The following COL8A1 variants were observed in gnomAD, a reference collection of about 807,000 sequenced individuals.
The protein encoded by COL8A1 is collagen type VIII alpha 1 chain.
COL8A1 carries 21 observed loss-of-function variants against 42.7 expected under a neutral mutation model. The observed-to-expected ratio is 0.49, with a 90% CI of 0.35 to 0.71. COL8A1 has a LOEUF of 0.71. Ranked by LOEUF, COL8A1 falls within the 30% of genes least tolerant of loss-of-function variation. The pLI is 0.01. For missense variants in COL8A1, 788 were observed against 962.4 expected (o/e 0.82, Z 2.40); for synonymous variants, 367 against 369.1 (o/e 0.99, Z 0.06).
chr3:99,639,013 G>C (rs1439366698), intron 1 of COL8A1, among the ~76,000 whole-genome samples: 1 of 152,108 alleles, frequency 6.6e-6, no homozygotes, highest in Non-Finnish European at 1.5e-5. Context: ...CAAGGAAAAC[G>C]TTGTCCCATT....
At chr3:99,735,328 A>T (rs1275864349) in intron 1 of COL8A1, among the ~76,000 whole-genome samples, 1 of 61,380 alleles carries the variant, frequency 1.6e-5, no homozygotes, top group Non-Finnish European at 3.1e-5. Flanking sequence ...ACGTCCCATC[A>T]ATACCTAATT....
At chr3:99,783,523 G>C (rs1941834751) in intron 2 of COL8A1, among the ~76,000 whole-genome samples, 1 of 152,206 alleles carries the variant, frequency 6.6e-6, no homozygotes, top group Non-Finnish European at 1.5e-5. Context: ...TGATTGACCA[G>C]AATCTGACAG....
intron 1 of COL8A1, among the ~76,000 whole-genome samples, chr3:99,651,716 T>C (rs1937854569): frequency 6.6e-6 from 1 of 152,178 alleles, no homozygotes; most frequent in Non-Finnish European, 1.5e-5. Context: ...CTAACAGCAA[T>C]AGTTTACAGA....
chr3:99,694,732 C>T (rs1202059962), intron 1 of COL8A1, among the ~76,000 whole-genome samples: 2 of 152,158 alleles, frequency 1.3e-5, no homozygotes, highest in Non-Finnish European at 2.9e-5. Context: ...TTCTTAACCT[C>T]TTCATCTTAT....
intron 1 of COL8A1, among the ~76,000 whole-genome samples, chr3:99,737,463 T>G (rs1456059742): frequency 6.6e-6 from 1 of 152,132 alleles, no homozygotes; most frequent in Non-Finnish European, 1.5e-5. Context: ...CTGTAAAGTA[T>G]TTTATTTCTC....
Position 99,673,446 on chromosome 3 carries a change from A to G in COL8A1, c.-129+34782A>G, listed in dbSNP as rs530018866. On this transcript the variant is annotated intron_variant, in intron 1 of 3. Transcript: ENST00000652472. The stretch of plus-strand genomic sequence containing the variant: ...TTTCAAAATCCATTATGGGACTATC[A>G]CCCATGAGTTTGTCTAAATCATTCT... 1.3e-4 allele frequency among the ~76,000 whole-genome samples: 20 copies of G among 152,168 alleles called. No homozygotes were observed. In the South Asian group the frequency reaches 3.9e-3, roughly 30 times the overall value.
chr3:99,665,587 T>C (rs533996867), intron 1 of COL8A1, among the ~76,000 whole-genome samples: 149 of 152,096 alleles, frequency 9.8e-4, no homozygotes, highest in Non-Finnish European at 2.0e-3. Flanking sequence ...AAATATTGCC[T>C]TTTATATTCA....
chr3:99,664,025 A>G (rs1938289747), intron 1 of COL8A1, among the ~76,000 whole-genome samples: 2 of 152,220 alleles, frequency 1.3e-5, no homozygotes, highest in African/African-American at 2.4e-5. Flanking sequence ...AACCCTAGTT[A>G]CCAAATACTC....
At chr3:99,720,921 T>C (rs1455339069) in intron 1 of COL8A1, among the ~76,000 whole-genome samples, 7 of 152,144 alleles carry the variant, frequency 4.6e-5, no homozygotes, top group Non-Finnish European at 8.8e-5. Flanking sequence ...AAGACCTTCA[T>C]AGTGATCCCC....
rs748724415 is a variant in COL8A1 at position 99,758,346 on chromosome 3, C to T, written c.-4+13325C>T. Among the ~76,000 whole-genome samples the T allele has an allele frequency of 3.9e-5, 6 of 152,208 alleles. No individual in the cohort carries two copies. In the Middle Eastern group the frequency reaches 0.01, roughly 259 times the overall value. On this transcript the variant is annotated intron_variant, in intron 2 of 3. Coordinates refer to ENST00000652472, the MANE Select transcript of COL8A1 (RefSeq NM_020351.4). The stretch of plus-strand genomic sequence containing the variant: ...CCAAAAGCAGGTTAATCCAACTTCC[C>T]CCAGCCAGCTCAAGATCAATGAAAA...
chr3:99,688,829 T>C (rs1003454690), intron 1 of COL8A1, among the ~76,000 whole-genome samples: 3 of 152,176 alleles, frequency 2.0e-5, no homozygotes, highest in African/African-American at 7.2e-5. Context: ...TTTCTCACCC[T>C]CAGCACTATT....
intron 1 of COL8A1, among the ~76,000 whole-genome samples, chr3:99,684,829 C>T (rs1264630965): frequency 6.6e-6 from 1 of 152,134 alleles, no homozygotes; most frequent in Non-Finnish European, 1.5e-5. Flanking sequence ...TCAAGTGGAT[C>T]TCAAGGTCTC....
At chr3:99,648,518 T>G (rs950486714) in intron 1 of COL8A1, among the ~76,000 whole-genome samples, 2 of 151,990 alleles carry the variant, frequency 1.3e-5, no homozygotes. Flanking sequence ...AAGTAAGGAC[T>G]GTGTAATTAG....
At chr3:99,788,956 C>G (rs1941946864) in intron 2 of COL8A1, among the ~76,000 whole-genome samples, 1 of 152,068 alleles carries the variant, frequency 6.6e-6, no homozygotes, top group Non-Finnish European at 1.5e-5. Flanking sequence ...TCTGTCACCC[C>G]CACTAAGAGT....
At chr3:99,765,385 C>T (rs571259696) in intron 2 of COL8A1, among the ~76,000 whole-genome samples, 3 of 152,276 alleles carry the variant, frequency 2.0e-5, no homozygotes, top group Middle Eastern at 3.4e-3. Flanking sequence ...TCTAGTAGAA[C>T]AGGGAATACA....
At chr3:99,676,861 T>A (rs1214665332) in intron 1 of COL8A1, among the ~76,000 whole-genome samples, 1 of 152,030 alleles carries the variant, frequency 6.6e-6, no homozygotes, top group South Asian at 2.1e-4. Flanking sequence ...CTTCTCTATA[T>A]AAGGAATAAA....
chr3:99,690,441 T>C (rs1939183443), intron 1 of COL8A1, among the ~76,000 whole-genome samples: 1 of 152,142 alleles, frequency 6.6e-6, no homozygotes, highest in African/African-American at 2.4e-5. Context: ...CAGATGAAGG[T>C]GGGAACAAAT....
intron 1 of COL8A1, among the ~76,000 whole-genome samples, chr3:99,702,871 T>G (rs1939580853): frequency 6.6e-6 from 1 of 152,148 alleles, no homozygotes; most frequent in African/African-American, 2.4e-5. Flanking sequence ...GTTGCTTTTT[T>G]ATAGACATGG....
Position 99,795,600 on chromosome 3 carries a change from C to G in COL8A1, c.1699C>G (p.Pro567Ala). ...TCCAGGACCCCCAGGCCCTCCAGGACCTCCAGGACCCCCAGCTGTGATGCC... is the reference window on the plus strand; with the variant it reads ...TCCAGGACCCCCAGGCCCTCCAGGAGCTCCAGGACCCCCAGCTGTGATGCC... Reference protein sequence around the residue: ...GLPGPPGPPGPPGPPAVMPPT... With the variant: ...GLPGPPGPPGAPGPPAVMPPT... Residue 567 changes from proline to alanine, a missense_variant, in exon 4 of 4, where the codon CCT becomes GCT. By Grantham distance (27) the Pro-to-Ala change is conservative. Around this residue, in one of 4 missense-constraint regions of COL8A1, gnomAD observed 154 missense variants for 182.3 expected, o/e 0.84. Transcript: ENST00000652472. 1 of 1,612,442 alleles carries G rather than the reference C, an allele frequency of 6.2e-7. No individual in the cohort carries two copies. Among genetic ancestry groups the G allele is most frequent in the South Asian group, 1.1e-5 (1 of 90,936 alleles).
Sources: allele counts gnomAD v4.1 joint callset (sites outside exome capture counted in the v4.1 genomes callset), GRCh38; gene constraint gnomAD v4.1.1; regional missense constraint gnomAD v4.1.1; transcripts MANE v1.5; gene names NCBI Gene and HGNC (gene_info 2026-07-23, HGNC 2026-07-21).